TMEM40: variants seen among roughly 807,000 people sequenced by gnomAD.
The protein encoded by TMEM40 is transmembrane protein 40.
In TMEM40, 34 loss-of-function variants were observed where a neutral mutation model predicts 40.8. The observed-to-expected ratio is 0.83, with a 90% CI of 0.63 to 1.11. The LOEUF (loss-of-function observed/expected upper bound fraction) is 1.11, where lower values mean the gene tolerates loss of function less well. Among genes scored for constraint, TMEM40 ranks in the 50% least tolerant of loss-of-function variants. The probability of loss-of-function intolerance (pLI) is 0.00; values close to 1 mark genes in which losing one functional copy is unlikely to be tolerated. For synonymous variants in TMEM40, 106 were observed against 107.0 expected (o/e 0.99, Z 0.06); for missense variants, 296 against 280.2 (o/e 1.06, Z -0.40).
chr3:12,763,159 CAA>C (rs536186442), upstream of TMEM40, among the ~76,000 whole-genome samples: 3,662 of 55,994 alleles, frequency 0.065, 69 homozygotes, highest in African/African-American at 0.18. Flanking sequence ...GACTCTGTCT[CAA>C]AAAAAAAAAA....
intron 1 of TMEM40, among the ~76,000 whole-genome samples, chr3:12,756,960 A>G (rs1001752713): frequency 1.3e-5 from 2 of 152,140 alleles, no homozygotes; most frequent in African/African-American, 4.8e-5. Context: ...AACATCAGAC[A>G]GACCTAGATC....
intron 1 of TMEM40, among the ~76,000 whole-genome samples, chr3:12,755,234 T>TCTCTTTCTTTCTTC (rs2061516481): frequency 3.6e-5 from 1 of 27,416 alleles, no homozygotes; most frequent in Non-Finnish European, 9.6e-5. Context: ...TCTCTCTCTC[T>TCTCTTTCTTTCTTC]CTTTCTTTCT....
chr3:12,733,929 C>G lies in TMEM40; in HGVS notation c.*845G>C, dbSNP rs4684873. ...TTTTTTTTTTTTAATTTTAGAGAAA[C>G]GATCTTGCTCTGTCGCCCAGGCTGG... On this transcript the variant is annotated 3_prime_UTR_variant, in exon 12 of 12. Transcript: ENST00000314124. 109,366 of 149,696 alleles carry G rather than the reference C, an allele frequency of 0.73. 41,370 individuals are homozygous for G. Among genetic ancestry groups the G allele is most frequent in the African/African-American group, 0.91 (37,266 of 40,816 alleles). 9.3% of individuals were successfully genotyped at this position (149,696 alleles called of 1,614,324 possible).
In TMEM40 at chr3:12,734,655, T is replaced by C; in HGVS notation, c.*119A>G. ...CCACATGGAAGGAAAAGTGTTCTGT[T>C]TATTGGTCTGGCTTGGTCTCCTGTG... On this transcript the variant is annotated 3_prime_UTR_variant, in exon 12 of 12. Transcript: ENST00000314124. The C allele has an allele frequency of 8.6e-7, 1 of 1,167,576 alleles. No individual in the cohort carries two copies. The allele number at this position is 1,167,576 out of a possible 1,614,324, so 72.3% of individuals were successfully genotyped here. A position where few individuals can be genotyped will look rare whatever the true frequency, so the allele number is the denominator to read the frequency against.
At chr3:12,756,308 T>A (rs928746546) in intron 1 of TMEM40, among the ~76,000 whole-genome samples, 13 of 152,172 alleles carry the variant, frequency 8.5e-5, no homozygotes, top group African/African-American at 2.9e-4. Flanking sequence ...ACGGCCACCA[T>A]ACTTGTATAT....
chr3:12,768,067 T>G (rs991576606), intron 1 of TMEM40, among the ~76,000 whole-genome samples: 1 of 152,154 alleles, frequency 6.6e-6, no homozygotes, highest in South Asian at 2.1e-4. Context: ...TTACAGTTCT[T>G]AAAGGCGGCG....
chr3:12,740,401 A>C (rs1029372264), intron 5 of TMEM40, among the ~76,000 whole-genome samples: 3 of 151,080 alleles, frequency 2.0e-5, no homozygotes, highest in African/African-American at 7.3e-5. Context: ...CACAATCATA[A>C]TTTTAAAAAA....
chr3:12,763,023 G>A (rs573110111), upstream of TMEM40, among the ~76,000 whole-genome samples: 1 of 151,718 alleles, frequency 6.6e-6, no homozygotes, highest in African/African-American at 2.4e-5. Context: ...AGCCGGGCGT[G>A]GTGGCGGGCT....
At position 12,748,668 on chromosome 3, in the gene TMEM40, GGATGAAGAA is replaced by G; in HGVS notation, c.189_197del (p.Ser68_Ser70del). ...TCTCTGCTATACCTGAGGAGGAGGAGGATGAAGAAGATGAGGAGGATGAGGAGGAAGAGG... is the reference window on the plus strand; with the variant it reads ...TCTCTGCTATACCTGAGGAGGAGGAGGATGAGGAGGATGAGGAGGAAGAGG... On this transcript the variant is annotated inframe_deletion, in exon 3 of 12. Transcript: ENST00000314124. The G allele has an allele frequency of 6.2e-7, 1 of 1,610,910 alleles. No individual in the cohort carries two copies. Among genetic ancestry groups the G allele is most frequent in the Non-Finnish European group, 8.5e-7 (1 of 1,177,732 alleles).
At chr3:12,737,097 C>T (rs1575729628) in intron 8 of TMEM40, among the ~76,000 whole-genome samples, 1 of 151,944 alleles carries the variant, frequency 6.6e-6, no homozygotes, top group Admixed American at 6.6e-5. Context: ...CCAGGCTGGT[C>T]TCGAACTCCT....
chr3:12,736,455 A>G (rs1165925771), intron 10 of TMEM40, 123 bp downstream of exon 10: 2 of 1,306,152 alleles, frequency 1.5e-6, no homozygotes, highest in Non-Finnish European at 2.1e-6. Context: ...TGGCCAGAAA[A>G]TTTTTTTAAA....
chr3:12,745,063 T>A (rs1317067202), intron 3 of TMEM40, among the ~76,000 whole-genome samples: 1 of 152,064 alleles, frequency 6.6e-6, no homozygotes, highest in East Asian at 1.9e-4. Context: ...TAAAAATTAT[T>A]CCAATTTTTT....
At chr3:12,746,261 C>T (rs1438509699) in intron 3 of TMEM40, among the ~76,000 whole-genome samples, 1 of 148,694 alleles carries the variant, frequency 6.7e-6, no homozygotes, top group African/African-American at 2.6e-5. Context: ...CTGTTCATTG[C>T]TAGTCCCTAG....
chr3:12,736,291 G>C (rs1041499642), intron 10 of TMEM40, among the ~76,000 whole-genome samples: 1 of 151,972 alleles, frequency 6.6e-6, no homozygotes, highest in Non-Finnish European at 1.5e-5. Context: ...TGAGATTACA[G>C]ACATGCGCCA....
upstream of TMEM40, among the ~76,000 whole-genome samples, chr3:12,761,195 G>A (rs1357754980): frequency 1.3e-5 from 2 of 152,234 alleles, no homozygotes; most frequent in Non-Finnish European, 2.9e-5. Flanking sequence ...AGAGAGTGGG[G>A]GCCTTGGGGA....
intron 3 of TMEM40, among the ~76,000 whole-genome samples, chr3:12,745,226 ATTTTTTTT>A (rs144839288): frequency 1.6e-5 from 2 of 127,102 alleles, no homozygotes; most frequent in African/African-American, 3.1e-5. Context: ...CACCTGGCTA[ATTTTTTTT>A]TTTTTTTTTT....
At chr3:12,754,531 A>AG (rs1447451472) in intron 1 of TMEM40, among the ~76,000 whole-genome samples, 4 of 152,268 alleles carry the variant, frequency 2.6e-5, no homozygotes, top group African/African-American at 9.6e-5. Flanking sequence ...TAAGCCAACA[A>AG]GGTGATATAG....
upstream of TMEM40, among the ~76,000 whole-genome samples, chr3:12,762,983 C>A (rs2061579325): frequency 6.6e-6 from 1 of 151,444 alleles, no homozygotes; most frequent in South Asian, 2.1e-4. Flanking sequence ...CACAGTGAAA[C>A]CCCCGTCTCT....
rs1410976328 is a variant in TMEM40 at position 12,737,707 on chromosome 3, C to T, written c.472G>A (p.Asp158Asn). The T allele has an allele frequency of 1.2e-6, 2 of 1,614,008 alleles. No homozygotes were observed. The highest frequency in any genetic ancestry group is 1.7e-5 in the Admixed American group (1 of 60,016). Residue 158 changes from aspartate (D) to asparagine (N), a missense_variant and splice_region_variant, in exon 8 of 12, where the codon GAT (aspartate) becomes AAT (asparagine). By Grantham distance (23) the Asp-to-Asn change is conservative. Coordinates refer to ENST00000314124, the MANE Select transcript of TMEM40 (RefSeq NM_018306.4). ...QLRRLNIKKD[D>N]EFFHFVLLCF... The stretch of plus-strand genomic sequence containing the variant: ...AGCTCTGCTACACCAAGTTCCTTAC[C>T]ATCTTTCTTTATATTCAGTCTTCTT...
Sources: allele counts gnomAD v4.1 joint callset (sites outside exome capture counted in the v4.1 genomes callset), GRCh38; gene constraint gnomAD v4.1.1; transcripts MANE v1.5; gene names NCBI Gene and HGNC (gene_info 2026-07-23, HGNC 2026-07-21).